Variants in NECAB2 observed in about 807,000 individuals in gnomAD.
The protein encoded by NECAB2 is N-terminal EF-hand calcium-binding protein 2.
In NECAB2, 68 loss-of-function variants were observed where a neutral mutation model predicts 51.9. The observed-to-expected ratio is 1.31, with a 90% CI of 1.08 to 1.60. NECAB2 has a LOEUF of 1.60. NECAB2 is among the 40% of genes most tolerant of loss of function. The pLI, the probability that NECAB2 is intolerant of heterozygous loss-of-function variation, is 0.00. For synonymous variants in NECAB2, 329 were observed against 203.5 expected, an observed-to-expected ratio of 1.62 and a Z score of -5.25; for missense variants, 854 against 490.3, an observed-to-expected ratio of 1.74 and a Z score of -7.00.
At chr16:83,977,581 C>T (rs779055504) in intron 2 of NECAB2, among the ~76,000 whole-genome samples, 1 of 152,044 alleles carries the variant, frequency 6.6e-6, no homozygotes, top group Non-Finnish European at 1.5e-5. Flanking sequence ...CCACAGAGCC[C>T]CTCCACAGAG....
At chr16:83,990,917 T>C (rs2084615814) in intron 6 of NECAB2, among the ~76,000 whole-genome samples, 1 of 152,216 alleles carries the variant, frequency 6.6e-6, no homozygotes, top group African/African-American at 2.4e-5. Context: ...TCTAATTTGT[T>C]TTGCTGCATC....
Position 84,001,917 on chromosome 16 carries a change from G to T in NECAB2, c.1132+1G>T. ...GCCCTCTCCAGGATCTTGGTGCCAG[G>T]TAGGGGGCAAAGGCCTGGAACTGCA... On this transcript the variant is annotated splice_donor_variant, in intron 12 of 12. Transcript: ENST00000305202. LOFTEE classifies it high-confidence loss of function. 1.2e-6 allele frequency: 2 copies of T among 1,613,822 alleles called. No individual in the cohort carries two copies. Among genetic ancestry groups the T allele is most frequent in the Non-Finnish European group, 1.7e-6 (2 of 1,179,818 alleles).
chr16:84,002,701 CATGCCCCTGTA>C lies in NECAB2; in HGVS notation c.*356_*366del, dbSNP rs2084863688. ...TGACATTCTTCTACCTAGTAGGAGTCATGCCCCTGTAGTGCCCAACCTAGCCAGGTAGCCAC... is the reference window on the plus strand; with the variant it reads ...TGACATTCTTCTACCTAGTAGGAGTCGTGCCCAACCTAGCCAGGTAGCCAC... On this transcript the variant is annotated 3_prime_UTR_variant, in exon 13 of 13. Transcript: ENST00000305202. 3.0e-6 allele frequency: 1 copy of C among 337,654 alleles called. No individual in the cohort carries two copies. Among genetic ancestry groups the C allele is most frequent in the African/African-American group, 2.1e-5 (1 of 47,514 alleles). 20.9% of individuals were successfully genotyped at this position (337,654 alleles called of 1,614,324 possible).
At chr16:83,979,279 A>G (rs1378635711) in intron 3 of NECAB2, among the ~76,000 whole-genome samples, 2 of 152,148 alleles carry the variant, frequency 1.3e-5, no homozygotes, top group African/African-American at 4.8e-5. Flanking sequence ...TACTCGCGTG[A>G]TGAGGACCCA....
intron 1 of NECAB2, chr16:83,971,398 A>T (rs1201810087): frequency 1.3e-5 from 2 of 152,172 alleles, no homozygotes; most frequent in African/African-American, 4.8e-5. Flanking sequence ...AAGGGGCGGA[A>T]AGCTGCCTTC....
Position 83,970,969 on chromosome 16 carries a change from C to T in NECAB2, c.202-1182C>T, listed in dbSNP as rs538283388. 1.2e-3 allele frequency among the ~76,000 whole-genome samples: 187 copies of T among 152,276 alleles called. 1 individual carries two copies. The highest frequency in any genetic ancestry group is 4.4e-3 in the African/African-American group (181 of 41,554). ...ATTAGCCAGTTGTGATGGCGGGCGT[C>T]TGTAGTCCCAGCTACTCGGAAGGCT... On this transcript the variant is annotated intron_variant, in intron 1 of 12. Coordinates refer to ENST00000305202, the MANE Select transcript of NECAB2 (RefSeq NM_019065.3).
chr16:83,972,196 G>T, intron 2 of NECAB2, 21 bp downstream of exon 2: 2 of 1,613,442 alleles, frequency 1.2e-6, no homozygotes, highest in Non-Finnish European at 8.5e-7. Flanking sequence ...CTTCCAGGCC[G>T]ACGGCCGCCC....
Position 83,997,275 on chromosome 16 carries a change from G to A in NECAB2, c.849+6G>A, listed in dbSNP as rs374299002. ...ATGAAGATGGCACCAACATGGTGAG[G>A]CCCCTTCCCACCTCTCTTCTGGGAC... On this transcript the variant is annotated splice_donor_region_variant and intron_variant, in intron 9 of 12. Transcript: ENST00000305202. The A allele has an allele frequency of 2.4e-5, 39 of 1,613,940 alleles. No individual in the cohort carries two copies. In the East Asian group the frequency reaches 5.1e-4, roughly 21 times the overall value.
intron 5 of NECAB2, among the ~76,000 whole-genome samples, chr16:83,987,995 G>A (rs2084576623): frequency 6.6e-6 from 1 of 152,030 alleles, no homozygotes; most frequent in Non-Finnish European, 1.5e-5. Flanking sequence ...TACCTTTCTT[G>A]GGCAGTACTT....
At chr16:83,980,399 C>T (rs939861103) in intron 3 of NECAB2, among the ~76,000 whole-genome samples, 25 of 152,110 alleles carry the variant, frequency 1.6e-4, no homozygotes, top group African/African-American at 1.4e-4. Flanking sequence ...CCAGGGGCTG[C>T]GACCAGAACA....
chr16:83,977,895 G>A (rs2084433806), intron 2 of NECAB2, among the ~76,000 whole-genome samples: 1 of 152,210 alleles, frequency 6.6e-6, no homozygotes, highest in African/African-American at 2.4e-5. Context: ...TTGGGAGCAT[G>A]CAGAGACCAC....
rs2084313959 is a variant in NECAB2 at position 83,968,606 on chromosome 16, G to T, written c.-43G>T. On this transcript the variant is annotated 5_prime_UTR_variant, in exon 1 of 13. Transcript: ENST00000305202. ...GCGCGGGGGCGGGCCGCAGCTGGGCGGGGGTCGGCGGGCTTCCGGGCGGCG... is the reference window on the plus strand; with the variant it reads ...GCGCGGGGGCGGGCCGCAGCTGGGCTGGGGTCGGCGGGCTTCCGGGCGGCG... The T allele has an allele frequency of 1.0e-6, 1 of 978,554 alleles. No individual in the cohort carries two copies. Among genetic ancestry groups the T allele is most frequent in the Non-Finnish European group, 1.2e-6 (1 of 826,668 alleles). 60.6% of individuals were successfully genotyped at this position (978,554 alleles called of 1,614,324 possible). A position where few individuals can be genotyped will look rare whatever the true frequency, so the allele number is the denominator to read the frequency against.
At chr16:83,985,313 C>CAAAAAAA (rs71148868) in intron 5 of NECAB2, among the ~76,000 whole-genome samples, 42 of 30,196 alleles carry the variant, frequency 1.4e-3, no homozygotes, top group Non-Finnish European at 2.0e-3. Flanking sequence ...ATCTCTGTCT[C>CAAAAAAA]AAAAAAAAAA....
At chr16:83,997,048 G>C (rs563827043) in intron 8 of NECAB2, among the ~76,000 whole-genome samples, 168 bp from the exon 9 acceptor site, 3 of 150,364 alleles carry the variant, frequency 2.0e-5, no homozygotes, top group East Asian at 1.9e-4. Context: ...TAGGCCCCCT[G>C]TAGGCCAGAG....
intron 5 of NECAB2, among the ~76,000 whole-genome samples, chr16:83,984,803 C>G (rs374454368): frequency 3.2e-4 from 48 of 152,282 alleles, no homozygotes; most frequent in African/African-American, 1.1e-3. Flanking sequence ...ATTTTAAAAC[C>G]TTGTATTTGA....
At chr16:83,974,676 C>T (rs928388785) in intron 2 of NECAB2, among the ~76,000 whole-genome samples, 3 of 152,094 alleles carry the variant, frequency 2.0e-5, no homozygotes, top group Non-Finnish European at 4.4e-5. Context: ...TTCACATGGT[C>T]GGGGGGCAGC....
At chr16:83,994,117 C>T (rs1004260281) in intron 6 of NECAB2, among the ~76,000 whole-genome samples, 185 bp from the exon 7 acceptor site, 7 of 152,204 alleles carry the variant, frequency 4.6e-5, no homozygotes, top group African/African-American at 1.7e-4. Context: ...AGCTGCGTGG[C>T]CCTGGCTGAG....
upstream of NECAB2, chr16:83,965,187 C>A (rs1483908545): frequency 5.0e-6 from 8 of 1,613,096 alleles, no homozygotes; most frequent in Middle Eastern, 1.6e-4. Context: ...GAGTGGGGGA[C>A]CCCCGATCCC....
chr16:83,998,429 G>C (rs2084752775), intron 10 of NECAB2, 112 bp downstream of exon 10: 3 of 962,628 alleles, frequency 3.1e-6, no homozygotes, highest in African/African-American at 3.3e-5. Flanking sequence ...GCACCCCAGG[G>C]ACACACACAG....
Sources: allele counts gnomAD v4.1 joint callset (sites outside exome capture counted in the v4.1 genomes callset), GRCh38; gene constraint gnomAD v4.1.1; transcripts MANE v1.5; gene names NCBI Gene and HGNC (gene_info 2026-07-23, HGNC 2026-07-21).